The following ADAMTS17 variants were observed in gnomAD, a reference collection of about 807,000 sequenced individuals.
The protein encoded by ADAMTS17 is ADAM metallopeptidase with thrombospondin type 1 motif 17.
ADAMTS17 carries 113 observed loss-of-function variants against 141.5 expected under a neutral mutation model. That is an observed-to-expected ratio of 0.80 (90% CI 0.69 to 0.93). ADAMTS17 has a LOEUF of 0.93. Among genes scored for constraint, ADAMTS17 ranks in the 40% least tolerant of loss-of-function variants. ADAMTS17 has a pLI of 0.00. For synonymous variants in ADAMTS17, 768 were observed against 630.6 expected, an observed-to-expected ratio of 1.22 and a Z score of -3.27; for missense variants, 1,659 against 1,517.9, an observed-to-expected ratio of 1.09 and a Z score of -1.54.
intron 3 of ADAMTS17, among the ~76,000 whole-genome samples, chr15:100,296,126 C>T (rs2044800570): frequency 6.6e-6 from 1 of 152,120 alleles, no homozygotes; most frequent in Admixed American, 6.5e-5. Flanking sequence ...GGGAAACGTA[C>T]TCGAGAAGGA....
chr15:100,299,722 A>G (rs2044961668), intron 3 of ADAMTS17, among the ~76,000 whole-genome samples: 1 of 152,148 alleles, frequency 6.6e-6, no homozygotes, highest in South Asian at 2.1e-4. Flanking sequence ...TGTAAGAGAA[A>G]CTTCAGACAC....
intron 7 of ADAMTS17, among the ~76,000 whole-genome samples, chr15:100,206,998 G>A (rs2041596400): frequency 2.6e-5 from 4 of 152,220 alleles, no homozygotes; most frequent in East Asian, 1.9e-4. Flanking sequence ...GCAAATACGT[G>A]CATTTTAATC....
chr15:100,332,468 C>T (rs1050667382), intron 2 of ADAMTS17, among the ~76,000 whole-genome samples: 4 of 152,210 alleles, frequency 2.6e-5, no homozygotes, highest in African/African-American at 9.7e-5. Flanking sequence ...AGAGGATACG[C>T]TTCACTCTAA....
At chr15:100,192,011 T>C (rs1320861472) in intron 8 of ADAMTS17, among the ~76,000 whole-genome samples, 1 of 152,176 alleles carries the variant, frequency 6.6e-6, no homozygotes, top group African/African-American at 2.4e-5. Context: ...CCTATAAATA[T>C]ATATACCTAC....
chr15:100,182,948 T>C (rs1370016497), intron 8 of ADAMTS17, among the ~76,000 whole-genome samples: 1 of 152,194 alleles, frequency 6.6e-6, no homozygotes, highest in African/African-American at 2.4e-5. Flanking sequence ...AAATATTTTT[T>C]CCAGTGCCAC....
intron 15 of ADAMTS17, among the ~76,000 whole-genome samples, chr15:100,081,269 C>T (rs1250086103): frequency 6.6e-6 from 1 of 152,224 alleles, no homozygotes; most frequent in Non-Finnish European, 1.5e-5. Context: ...GGGACTGGGA[C>T]TGGCTCTCCT....
At chr15:100,119,442 T>C (rs892465464) in intron 12 of ADAMTS17, among the ~76,000 whole-genome samples, 11 of 151,570 alleles carry the variant, frequency 7.3e-5, no homozygotes, top group African/African-American at 2.7e-4. Flanking sequence ...TAAAGAAAGC[T>C]ACCTTTCCTA....
At chr15:100,114,229 C>T (rs2036972783) in intron 13 of ADAMTS17, among the ~76,000 whole-genome samples, 3 of 150,100 alleles carry the variant, frequency 2.0e-5, no homozygotes, top group South Asian at 2.1e-4. Flanking sequence ...TTCTTTTGAA[C>T]TGTGCGTCAC....
chr15:100,072,675 A>T (rs2034064876), intron 15 of ADAMTS17, among the ~76,000 whole-genome samples: 1 of 152,200 alleles, frequency 6.6e-6, no homozygotes, highest in South Asian at 2.1e-4. Flanking sequence ...CCTATTTAAT[A>T]AATGGTGGCG....
In ADAMTS17 at chr15:100,119,712, G is replaced by A. The variant is rs150723306; in HGVS notation, c.1722-2699C>T. Among the ~76,000 whole-genome samples, 311 of 152,328 alleles carry A rather than the reference G, an allele frequency of 2.0e-3. 1 individual carries two copies. Among genetic ancestry groups the A allele is most frequent in the Non-Finnish European group, 2.7e-3 (186 of 68,026 alleles). ...AGGCGGAGCACATGGGATACCACACGTGCCTTGGCACACCTCCCTCCACAT... is the reference window on the plus strand; with the variant it reads ...AGGCGGAGCACATGGGATACCACACATGCCTTGGCACACCTCCCTCCACAT... On this transcript the variant is annotated intron_variant, in intron 12 of 21. Coordinates refer to ENST00000268070, the MANE Select transcript of ADAMTS17 (RefSeq NM_139057.4).
intron 7 of ADAMTS17, among the ~76,000 whole-genome samples, chr15:100,238,796 C>T (rs907397555): frequency 1.3e-5 from 2 of 152,100 alleles, no homozygotes; most frequent in African/African-American, 2.4e-5. Context: ...TATCGAAAAG[C>T]GAGAAAGGCA....
At chr15:100,324,765 T>G (rs570665156) in intron 3 of ADAMTS17, among the ~76,000 whole-genome samples, 2 of 152,306 alleles carry the variant, frequency 1.3e-5, no homozygotes, top group African/African-American at 2.4e-5. Flanking sequence ...GTCTCCTCAA[T>G]AGTCAAAAAT....
chr15:100,047,304 C>T (rs1020087888), intron 18 of ADAMTS17, among the ~76,000 whole-genome samples: 4 of 133,734 alleles, frequency 3.0e-5, no homozygotes, highest in Admixed American at 7.8e-5. Context: ...CCTGTGATCT[C>T]GCCCTGCCTC....
At position 100,284,929 on chromosome 15, in the gene ADAMTS17, C is replaced by T. The variant is rs28588458; in HGVS notation, c.617-3528G>A. On this transcript the variant is annotated intron_variant, in intron 3 of 21. Transcript: ENST00000268070. ...GCCGGGGAGTGCTCCAAGCTCTGCT[C>T]GTGACCAGCTGTCTCCAGCTGCTGT... Among the ~76,000 whole-genome samples the T allele has an allele frequency of 1.1e-4, 16 of 152,298 alleles. No homozygotes were observed. The East Asian group carries it at 2.7e-3, about 26-fold the overall frequency.
chr15:100,019,409 T>C (rs1002736769), intron 18 of ADAMTS17, among the ~76,000 whole-genome samples: 7 of 152,180 alleles, frequency 4.6e-5, no homozygotes, highest in African/African-American at 1.7e-4. Flanking sequence ...TTGTTAAAAC[T>C]GGGAAGTGGA....
At chr15:100,302,630 T>A (rs1314909836) in intron 3 of ADAMTS17, among the ~76,000 whole-genome samples, 4 of 152,210 alleles carry the variant, frequency 2.6e-5, no homozygotes, top group Non-Finnish European at 4.4e-5. Context: ...GATTTGCATT[T>A]CCCTGATGGC....
At chr15:100,011,351 G>GGGTGGGAGAGAAGGAAA (rs2061173381) in intron 18 of ADAMTS17, among the ~76,000 whole-genome samples, 1 of 8,462 alleles carries the variant, frequency 1.2e-4, no homozygotes, top group Non-Finnish European at 3.1e-4. Flanking sequence ...GAAAGGAGGA[G>GGGTGGGAGAGAAGGAAA]GGACGGGAGG....
chr15:100,066,808 TG>T (rs2033568241), intron 15 of ADAMTS17, among the ~76,000 whole-genome samples: 6 of 134,438 alleles, frequency 4.5e-5, no homozygotes, highest in African/African-American at 1.6e-4. Context: ...CTTATGATAT[TG>T]AGAGGGCAGC....
At chr15:100,267,039 C>T (rs1353665230) in intron 4 of ADAMTS17, among the ~76,000 whole-genome samples, 1 of 152,162 alleles carries the variant, frequency 6.6e-6, no homozygotes, top group African/African-American at 2.4e-5. Context: ...CCCACTAGTG[C>T]ACAACCGTGT....
Sources: allele counts gnomAD v4.1 joint callset (sites outside exome capture counted in the v4.1 genomes callset), GRCh38; gene constraint gnomAD v4.1.1; transcripts MANE v1.5; gene names NCBI Gene and HGNC (gene_info 2026-07-23, HGNC 2026-07-21).